The following KCNG3 variants were observed in gnomAD, a reference collection of about 807,000 sequenced individuals.
The protein encoded by KCNG3 is potassium voltage-gated channel modifier subfamily G member 3.
A neutral mutation model predicts 29.0 loss-of-function variants in KCNG3; 15 were observed. The ratio of observed to expected loss-of-function variants is 0.52; its 90% CI spans 0.35 to 0.80. The LOEUF (loss-of-function observed/expected upper bound fraction) is 0.80. KCNG3 is among the 30% of genes least tolerant of loss of function. The pLI is 0.01. For missense variants in KCNG3, 512 were observed against 605.7 expected (o/e 0.85, Z 1.62); for synonymous variants, 322 against 248.9 (o/e 1.29, Z -2.76).
At chr2:42,451,423 A>G (rs558753834) in intron 1 of KCNG3, among the ~76,000 whole-genome samples, 1 of 150,952 alleles carries the variant, frequency 6.6e-6, no homozygotes, top group African/African-American at 2.4e-5. Context: ...ACTACAAATA[A>G]TGTTTTAAAA....
the KCNG3 span, among the ~76,000 whole-genome samples, chr2:42,417,753 A>T: frequency 6.6e-6 from 1 of 151,860 alleles, no homozygotes; most frequent in African/African-American, 2.4e-5. Context: ...CAGGCAGATC[A>T]TGAGGTCAGG....
chr2:42,459,897 A>G (rs1672972421), intron 1 of KCNG3, among the ~76,000 whole-genome samples: 2 of 151,248 alleles, frequency 1.3e-5, no homozygotes, highest in Admixed American at 6.6e-5. Context: ...AATGGTGTGA[A>G]CCCGGGAGGT....
chr2:42,440,660 A>G (rs142833677), downstream of KCNG3, among the ~76,000 whole-genome samples: 33 of 152,330 alleles, frequency 2.2e-4, no homozygotes, highest in East Asian at 5.8e-3. Flanking sequence ...CATTGTGGAA[A>G]TAACTTTTCA....
At chr2:42,417,886 T>C in the KCNG3 span, among the ~76,000 whole-genome samples, 3 of 151,778 alleles carry the variant, frequency 2.0e-5, no homozygotes. Context: ...GCAGGAGAAT[T>C]GCTTGAATCC....
downstream of KCNG3, among the ~76,000 whole-genome samples, chr2:42,440,131 G>A (rs540728181): frequency 5.9e-5 from 9 of 152,184 alleles, no homozygotes; most frequent in South Asian, 4.1e-4. Flanking sequence ...TATTTGGATC[G>A]GACAAAAGGC....
chr2:42,469,972 C>G (rs1027911009), intron 1 of KCNG3: 20 of 449,870 alleles, frequency 4.4e-5, no homozygotes, highest in African/African-American at 3.7e-4. Flanking sequence ...CGGTGTGATA[C>G]AGAGAGACAC....
At chr2:42,430,304 A>T in the KCNG3 span, among the ~76,000 whole-genome samples, 562 of 151,804 alleles carry the variant, frequency 3.7e-3, 17 homozygotes, top group East Asian at 9.7e-4. Flanking sequence ...GGAGGTTGAC[A>T]CTACAGTCAG....
chr2:42,462,961 T>G (rs887445948), intron 1 of KCNG3, among the ~76,000 whole-genome samples: 13 of 152,172 alleles, frequency 8.5e-5, no homozygotes, highest in African/African-American at 2.7e-4. Context: ...TTTTTGGAAT[T>G]GGGTTTCTTC....
the KCNG3 span, among the ~76,000 whole-genome samples, chr2:42,429,146 C>CA: frequency 9.2e-4 from 135 of 146,930 alleles, no homozygotes; most frequent in South Asian, 0.01. Context: ...AACAAACAAA[C>CA]AAAAAAAAAA....
rs1018730795 is a variant in KCNG3 at position 42,444,059 on chromosome 2, T to C, written c.1186A>G (p.Ser396Gly). The part of the protein sequence containing the change: ...GRILGGVCVV[S>G]GIVLLALPIT... ...GGTAATGCCAATAGAACAATTCCAC[T>C]GACAACACAAACTCCTCCAAGAATT... The change falls in exon 2 of 2, where the codon AGT becomes GGT. Residue 396 changes from serine (S) to glycine (G), a missense_variant. Around this residue, in one of 5 missense-constraint regions of KCNG3, gnomAD observed 173 missense variants for 262.4 expected, o/e 0.66. Transcript: ENST00000306078. This position sits in a 1 kb window ranked among gnomAD's most constrained non-coding sequence, Gnocchi z 5.8. 6.2e-7 allele frequency: 1 copy of C among 1,614,076 alleles called. No homozygotes were observed. Among genetic ancestry groups the C allele is most frequent in the African/African-American group, 1.3e-5 (1 of 74,916 alleles).
intron 1 of KCNG3, among the ~76,000 whole-genome samples, chr2:42,478,337 GC>G (rs1673493210): frequency 6.6e-6 from 1 of 152,138 alleles, no homozygotes; most frequent in African/African-American, 2.4e-5. Flanking sequence ...CTGGGCTCAA[GC>G]AATTCTCCCA....
At chr2:42,455,692 C>T (rs1445425343) in intron 1 of KCNG3, among the ~76,000 whole-genome samples, 1 of 151,868 alleles carries the variant, frequency 6.6e-6, no homozygotes, top group African/African-American at 2.4e-5. Flanking sequence ...TCACTTGGGC[C>T]CAGGAGCTTG....
At chr2:42,470,229 AAT>A in intron 1 of KCNG3, 1 of 421,028 alleles carries the variant, frequency 2.4e-6, no homozygotes, top group Admixed American at 3.3e-5. Flanking sequence ...CCCAATTGGA[AAT>A]ATGAGTCATC....
At chr2:42,426,584 T>A in the KCNG3 span, among the ~76,000 whole-genome samples, 1 of 152,234 alleles carries the variant, frequency 6.6e-6, no homozygotes, top group South Asian at 2.1e-4. Flanking sequence ...TTAAAACCAA[T>A]ACATAATTTT....
chr2:42,493,177 C>A lies in KCNG3; in HGVS notation c.325G>T (p.Glu109Ter). Reference protein sequence around the residue: ...IYWGLEGAHLEYCCQRRLDDR... With the variant: ...IYWGLEGAHL ...TCGAGGCGGCGCTGGCAGCAGTACT[C>A]GAGGTGCGCGCCCTCCAGGCCCCAG... Residue 109 changes from glutamate to a stop codon, truncating the protein, a stop_gained, in exon 1 of 2, where the codon GAG (glutamate) becomes TAG (stop). Coordinates refer to ENST00000306078, the MANE Select transcript of KCNG3 (RefSeq NM_133329.6). LOFTEE classifies it high-confidence loss of function. The A allele has an allele frequency of 6.2e-7, 1 of 1,609,046 alleles. No homozygotes were observed. Among genetic ancestry groups the A allele is most frequent in the South Asian group, 1.1e-5 (1 of 91,024 alleles).
At chr2:42,483,791 C>CTT (rs1673649977) in intron 1 of KCNG3, among the ~76,000 whole-genome samples, 1 of 152,086 alleles carries the variant, frequency 6.6e-6, no homozygotes, top group Non-Finnish European at 1.5e-5. Context: ...AAAAGAGTTT[C>CTT]TTTTCTTTCT....
chr2:42,464,302 A>G (rs1673089872), intron 1 of KCNG3, among the ~76,000 whole-genome samples: 1 of 152,156 alleles, frequency 6.6e-6, no homozygotes, highest in African/African-American at 2.4e-5. Flanking sequence ...GCTGGCCTCA[A>G]GTGATCCACC....
the KCNG3 span, among the ~76,000 whole-genome samples, chr2:42,434,964 A>G: frequency 2.0e-5 from 3 of 152,180 alleles, no homozygotes; most frequent in Non-Finnish European, 2.9e-5. Flanking sequence ...TTAACTAAAA[A>G]TGGATCAGAG....
At chr2:42,467,603 G>C (rs772883467) in intron 1 of KCNG3, among the ~76,000 whole-genome samples, 1 of 151,794 alleles carries the variant, frequency 6.6e-6, no homozygotes, top group Non-Finnish European at 1.5e-5. Context: ...AGGAGGTGGA[G>C]GTTGCAGTGA....
Sources: allele counts gnomAD v4.1 joint callset (sites outside exome capture counted in the v4.1 genomes callset), GRCh38; gene constraint gnomAD v4.1.1; regional missense constraint gnomAD v4.1.1; non-coding constraint Gnocchi (gnomAD v3.1); transcripts MANE v1.5; gene names NCBI Gene and HGNC (gene_info 2026-07-23, HGNC 2026-07-21).